The following GPC3 variants were observed in gnomAD, a reference collection of about 807,000 sequenced individuals.
GPC3 encodes glypican 3.
GPC3 carries 3 observed loss-of-function variants against 34.4 expected under a neutral mutation model. The ratio of observed to expected loss-of-function variants is 0.09; its 90% CI spans 0.04 to 0.23. GPC3 has a LOEUF of 0.23. Among genes scored for constraint, GPC3 ranks in the 10% least tolerant of loss-of-function variants. The pLI is 1.00. For missense variants in GPC3, 351 were observed against 445.6 expected (o/e 0.79, Z 1.91); for synonymous variants, 177 against 174.0 (o/e 1.02, Z -0.13).
intron 7 of GPC3, among the ~76,000 whole-genome samples, chrX:133,576,892 G>A (rs1297678784): frequency 9.1e-6 from 1 of 109,523 alleles, no homozygotes; most frequent in African/African-American, 3.3e-5. Flanking sequence ...GGCCTGAGTT[G>A]GGGTAAAGAC....
chrX:133,701,200 T>A (rs1017336695), intron 3 of GPC3, among the ~76,000 whole-genome samples: 1 of 111,796 alleles, frequency 8.9e-6, no homozygotes, highest in Non-Finnish European at 1.9e-5. Flanking sequence ...GATTTGCTAC[T>A]TTTTTCACTT....
chrX:133,658,091 C>A (rs1425572842), intron 6 of GPC3, among the ~76,000 whole-genome samples: 1 of 112,151 alleles, frequency 8.9e-6, no homozygotes, highest in African/African-American at 3.2e-5. Context: ...CTTGATTCTT[C>A]CTCCCTATCA....
intron 2 of GPC3, among the ~76,000 whole-genome samples, chrX:133,801,852 T>G (rs1285088515): frequency 8.9e-6 from 1 of 112,376 alleles, no homozygotes. Flanking sequence ...CTCCATGAAG[T>G]CTGCATTCTA....
At chrX:133,666,602 C>T (rs2070770267) in intron 5 of GPC3, among the ~76,000 whole-genome samples, 1 of 112,351 alleles carries the variant, frequency 8.9e-6, no homozygotes, top group African/African-American at 3.2e-5. Context: ...GCTCTCAATA[C>T]TTTTTTCTGT....
At chrX:133,897,365 T>C (rs2076121993) in intron 2 of GPC3, among the ~76,000 whole-genome samples, 1 of 109,447 alleles carries the variant, frequency 9.1e-6, no homozygotes, top group East Asian at 2.9e-4. Context: ...GTGCACCTTT[T>C]AATGATTTTA....
At chrX:133,689,264 C>T (rs1415122587) in intron 5 of GPC3, among the ~76,000 whole-genome samples, 1 of 111,276 alleles carries the variant, frequency 9.0e-6, no homozygotes, top group Non-Finnish European at 1.9e-5. Flanking sequence ...CTCCATACTA[C>T]AATATTTATT....
intron 2 of GPC3, among the ~76,000 whole-genome samples, chrX:133,907,872 G>A (rs549962212): frequency 9.0e-6 from 1 of 110,978 alleles, no homozygotes; most frequent in East Asian, 2.8e-4. Flanking sequence ...TTCCAAAAGG[G>A]TTGTACCAGA....
At chrX:133,864,111 T>A (rs961215287) in intron 2 of GPC3, among the ~76,000 whole-genome samples, 6 of 110,536 alleles carry the variant, frequency 5.4e-5, no homozygotes, top group African/African-American at 2.0e-4. Context: ...GCTCACAGAG[T>A]ATTTTCTGGA....
At chrX:133,718,466 C>T (rs1371130267) in intron 3 of GPC3, among the ~76,000 whole-genome samples, 1 of 110,660 alleles carries the variant, frequency 9.0e-6, no homozygotes, top group East Asian at 2.8e-4. Context: ...AAACCATTAC[C>T]CTAGAAAATA....
chrX:133,929,564 G>T (rs968398947), intron 2 of GPC3, among the ~76,000 whole-genome samples: 9 of 111,379 alleles, frequency 8.1e-5, no homozygotes, highest in Non-Finnish European at 1.5e-4. Context: ...TTGGTGGCAG[G>T]TGGTCACAGG....
chrX:133,953,999 C>A lies in GPC3; in HGVS notation c.176-788G>T, dbSNP rs1027207804. Among the ~76,000 whole-genome samples, 11 of 112,136 alleles carry A rather than the reference C, an allele frequency of 9.8e-5. No individual in the cohort carries two copies. The Admixed American group carries it at 1.0e-3, about 11-fold the overall frequency. On this transcript the variant is annotated intron_variant, in intron 1 of 7. Transcript: ENST00000370818. ...CTATTTAGCCATAAAAAGGAATGAA[C>A]CATTAATGCATACTACTGGAGGGAC...
At chrX:133,589,234 C>G (rs2069822029) in intron 7 of GPC3, among the ~76,000 whole-genome samples, 1 of 111,691 alleles carries the variant, frequency 9.0e-6, no homozygotes, top group South Asian at 3.8e-4. Context: ...CAAATCTCAT[C>G]TAGAATTGTA....
chrX:133,799,477 G>A (rs1331158438), intron 2 of GPC3, among the ~76,000 whole-genome samples: 1 of 111,326 alleles, frequency 9.0e-6, no homozygotes, highest in Non-Finnish European at 1.9e-5. Context: ...TACTGGGAAA[G>A]GAAGTCAGAA....
intron 7 of GPC3, among the ~76,000 whole-genome samples, chrX:133,582,929 C>T (rs1455382803): frequency 3.6e-5 from 4 of 111,075 alleles, no homozygotes; most frequent in South Asian, 3.9e-4. Flanking sequence ...TGGGGCAGGA[C>T]GGCCACAAGC....
intron 2 of GPC3, among the ~76,000 whole-genome samples, chrX:133,862,638 C>T (rs1200536155): frequency 3.6e-5 from 4 of 109,975 alleles, no homozygotes; most frequent in African/African-American, 1.3e-4. Flanking sequence ...TGCAGTGAGC[C>T]GAGATCGCAC....
intron 6 of GPC3, among the ~76,000 whole-genome samples, chrX:133,655,110 G>A (rs2070642902): frequency 9.0e-6 from 1 of 111,207 alleles, no homozygotes; most frequent in Non-Finnish European, 1.9e-5. Flanking sequence ...CTTTAATCCT[G>A]TGTATTCTAA....
intron 2 of GPC3, among the ~76,000 whole-genome samples, chrX:133,827,330 T>C (rs1317261463): frequency 8.9e-6 from 1 of 112,297 alleles, no homozygotes; most frequent in Non-Finnish European, 1.9e-5. Flanking sequence ...ACAATATAAA[T>C]GTAGTTTTTG....
At chrX:133,580,717 G>C (rs901302474) in intron 7 of GPC3, among the ~76,000 whole-genome samples, 1 of 112,284 alleles carries the variant, frequency 8.9e-6, no homozygotes, top group Non-Finnish European at 1.9e-5. Context: ...CAGAAGCAGA[G>C]CACAGATGTT....
At chrX:133,908,213 G>A (rs967324917) in intron 2 of GPC3, among the ~76,000 whole-genome samples, 5 of 111,585 alleles carry the variant, frequency 4.5e-5, no homozygotes, top group East Asian at 2.8e-4. Context: ...TTCCTTGTTC[G>A]TTTTTTAATT....
Sources: allele counts gnomAD v4.1 joint callset (sites outside exome capture counted in the v4.1 genomes callset), GRCh38; gene constraint gnomAD v4.1.1; transcripts MANE v1.5; gene names NCBI Gene and HGNC (gene_info 2026-07-23, HGNC 2026-07-21).